The following AGAP1 variants were observed in gnomAD, a reference collection of about 807,000 sequenced individuals.
AGAP1 encodes ArfGAP with GTPase domain, ankyrin repeat and PH domain 1.
A neutral mutation model predicts 105.3 loss-of-function variants in AGAP1; 29 were observed. That is an observed-to-expected ratio of 0.28 (90% CI 0.21 to 0.38). The LOEUF (loss-of-function observed/expected upper bound fraction) is 0.38. AGAP1 is among the 10% of genes least tolerant of loss of function. AGAP1 has a pLI of 1.00. For synonymous variants in AGAP1, 509 were observed against 485.9 expected, an observed-to-expected ratio of 1.05 and a Z score of -0.63; for missense variants, 998 against 1,165.1, an observed-to-expected ratio of 0.86 and a Z score of 2.09.
intron 10 of AGAP1, among the ~76,000 whole-genome samples, chr2:235,885,326 G>A (rs79452822): frequency 0.029 from 4,448 of 152,296 alleles, 194 homozygotes; most frequent in African/African-American, 0.1. Flanking sequence ...CTGTGTGGAT[G>A]TGCCTTCATT....
At position 235,971,908 on chromosome 2, in the gene AGAP1, A is replaced by T. The variant is rs1027900325; in HGVS notation, c.1645+3285A>T. The stretch of plus-strand genomic sequence containing the variant: ...ATCTTCCCACCTCAGCCTCCCAAGT[A>T]GCTGGGACCACAGGCAGGCACCACG... On this transcript the variant is annotated intron_variant, in intron 13 of 17. Transcript: ENST00000304032. This position sits in a 1 kb window ranked among gnomAD's most constrained non-coding sequence, Gnocchi z 4.8. 6.6e-5 allele frequency among the ~76,000 whole-genome samples: 10 copies of T among 151,332 alleles called. No homozygotes were observed. The highest frequency in any genetic ancestry group is 1.2e-4 in the Non-Finnish European group (8 of 67,810).
rs2054255476 is a variant in AGAP1, at chr2:235,963,061, T to C, written c.1484-5401T>C. On this transcript the variant is annotated intron_variant, in intron 12 of 17. Transcript: ENST00000304032. The surrounding 1 kb of genome is among the most constrained non-coding windows in gnomAD (Gnocchi z 5.1). ...TGGATGTGGAGGAAATGCTGATGGG[T>C]TGGCTGTGGTGGTCTCTTAGAGGAA... is the stretch of plus-strand genomic sequence containing the variant. Among the ~76,000 whole-genome samples the C allele has an allele frequency of 6.6e-6, 1 of 152,124 alleles. No homozygotes were observed. Among genetic ancestry groups the C allele is most frequent in the Non-Finnish European group, 1.5e-5 (1 of 68,028 alleles).
intron 1 of AGAP1, among the ~76,000 whole-genome samples, chr2:235,560,844 A>T (rs1944126111): frequency 6.6e-6 from 1 of 151,982 alleles, no homozygotes; most frequent in Non-Finnish European, 1.5e-5. Context: ...AGATGAGTGC[A>T]CCTCCCCTTT....
intron 13 of AGAP1, among the ~76,000 whole-genome samples, chr2:235,972,975 G>C (rs187246398): frequency 6.6e-6 from 1 of 152,104 alleles, no homozygotes; most frequent in Non-Finnish European, 1.5e-5. Flanking sequence ...AGGACCCTGC[G>C]AGAAGGTCTT....
intron 9 of AGAP1, among the ~76,000 whole-genome samples, chr2:235,823,761 CTGT>C (rs1030311665): frequency 1.3e-5 from 2 of 152,104 alleles, no homozygotes; most frequent in African/African-American, 4.8e-5. Context: ...GCTGTTTTAT[CTGT>C]TTTTTTAAAT....
chr2:235,847,509 T>G (rs1961639791), intron 9 of AGAP1, among the ~76,000 whole-genome samples: 1 of 152,238 alleles, frequency 6.6e-6, no homozygotes, highest in Non-Finnish European at 1.5e-5. Context: ...ATTACATCTT[T>G]GAAAAGATAT....
chr2:236,099,306 T>A (rs1204719280), intron 16 of AGAP1, among the ~76,000 whole-genome samples: 1 of 151,808 alleles, frequency 6.6e-6, no homozygotes, highest in East Asian at 2.0e-4. Flanking sequence ...TACAAAAAAA[T>A]TAGCTGGGCG....
chr2:235,595,278 G>GGAGCT (rs1045189805), intron 1 of AGAP1, among the ~76,000 whole-genome samples: 35 of 152,266 alleles, frequency 2.3e-4, no homozygotes, highest in African/African-American at 8.2e-4. Context: ...ACCAGTATTG[G>GGAGCT]GAGCTGACTC....
At chr2:235,987,056 C>T (rs1410150542) in intron 13 of AGAP1, among the ~76,000 whole-genome samples, 1 of 152,062 alleles carries the variant, frequency 6.6e-6, no homozygotes, top group Non-Finnish European at 1.5e-5. Flanking sequence ...GATACCAGCC[C>T]TTTGTATTTC....
chr2:235,751,414 G>A lies in AGAP1; in HGVS notation c.673+926G>A, dbSNP rs981952178. Among the ~76,000 whole-genome samples, 6 of 152,010 alleles carry A rather than the reference G, an allele frequency of 3.9e-5. No homozygotes were observed. Among genetic ancestry groups the A allele is most frequent in the African/African-American group, 9.7e-5 (4 of 41,388 alleles). ...CTGCTCTGGTGCCCAGGGGGTTGTC[G>A]GGGGCAGAGCAGGGCAGCCACACTC... is the stretch of plus-strand genomic sequence containing the variant. On this transcript the variant is annotated intron_variant, in intron 6 of 17. Transcript: ENST00000304032. The surrounding 1 kb of genome is among the most constrained non-coding windows in gnomAD (Gnocchi z 5.3).
rs1018684092 is a variant in AGAP1, at chr2:235,614,290, G to A, written c.164-94889G>A. ...TTAAAGCGGGGAGGTGGCTGGTGCT[G>A]GAGCGTGTATAACAAAAGTGGGATC... is the stretch of plus-strand genomic sequence containing the variant. On this transcript the variant is annotated intron_variant, in intron 1 of 17. Coordinates refer to ENST00000304032, the MANE Select transcript of AGAP1 (RefSeq NM_001037131.3). The surrounding 1 kb of genome is among the most constrained non-coding windows in gnomAD (Gnocchi z 4.7). 6.6e-6 allele frequency among the ~76,000 whole-genome samples: 1 copy of A among 152,090 alleles called. No homozygotes were observed. The highest frequency in any genetic ancestry group is 1.5e-5 in the Non-Finnish European group (1 of 68,026).
chr2:236,124,142 G>A lies in AGAP1; in HGVS notation c.*20G>A. 1 of 1,610,158 alleles carries A rather than the reference G, an allele frequency of 6.2e-7. No homozygotes were observed. Among genetic ancestry groups the A allele is most frequent in the Non-Finnish European group, 8.5e-7 (1 of 1,177,018 alleles). On this transcript the variant is annotated 3_prime_UTR_variant, in exon 18 of 18. Transcript: ENST00000304032. This position sits in a 1 kb window ranked among gnomAD's most constrained non-coding sequence, Gnocchi z 5.1. The stretch of plus-strand genomic sequence containing the variant: ...ATCTGAGGAACAGCCGTGCCCGCCT[G>A]CTCGCCGCACCTGGGACGCGGCAGC...
chr2:236,066,004 A>G (rs936831714), intron 16 of AGAP1, among the ~76,000 whole-genome samples: 2 of 152,164 alleles, frequency 1.3e-5, no homozygotes, highest in African/African-American at 4.8e-5. Context: ...CATCAGAGTC[A>G]CTACTCGTGG....
rs755287688 is a variant in AGAP1 at position 235,614,371 on chromosome 2, G to A, written c.164-94808G>A. 6.6e-6 allele frequency among the ~76,000 whole-genome samples: 1 copy of A among 152,168 alleles called. No homozygotes were observed. Among genetic ancestry groups the A allele is most frequent in the African/African-American group, 2.4e-5 (1 of 41,438 alleles). ...CTAGGGAGCCGCTGCTCTTGCTTCAGGTCTCAGATGGCATAGGAGTGTGTG... is the reference window on the plus strand; with the variant it reads ...CTAGGGAGCCGCTGCTCTTGCTTCAAGTCTCAGATGGCATAGGAGTGTGTG... On this transcript the variant is annotated intron_variant, in intron 1 of 17. Transcript: ENST00000304032. The surrounding 1 kb of genome is among the most constrained non-coding windows in gnomAD (Gnocchi z 4.7).
chr2:236,089,558 A>G lies in AGAP1; in HGVS notation c.2115-30634A>G, dbSNP rs6720685. On this transcript the variant is annotated intron_variant, in intron 16 of 17. Coordinates refer to ENST00000304032, the MANE Select transcript of AGAP1 (RefSeq NM_001037131.3). The surrounding 1 kb of genome is among the most constrained non-coding windows in gnomAD (Gnocchi z 5.6). Reference sequence around the variant, plus strand: ...AAGTCTGGAACGAATCTGGTTCCATATAGAGTTCATGCTCACCCCGAAGTC... The same window carrying G: ...AAGTCTGGAACGAATCTGGTTCCATGTAGAGTTCATGCTCACCCCGAAGTC... Among the ~76,000 whole-genome samples the G allele has an allele frequency of 0.016, 2,498 of 152,346 alleles. 69 individuals are homozygous for G. The highest frequency in any genetic ancestry group is 0.057 in the African/African-American group (2,387 of 41,574).
intron 1 of AGAP1, among the ~76,000 whole-genome samples, chr2:235,587,862 G>C (rs1278780532): frequency 1.3e-5 from 2 of 152,132 alleles, no homozygotes; most frequent in East Asian, 3.9e-4. Context: ...TCCAGGTCCT[G>C]CTGCTCCTTC....
At chr2:235,896,961 G>A (rs1036373405) in intron 10 of AGAP1, among the ~76,000 whole-genome samples, 4 of 152,174 alleles carry the variant, frequency 2.6e-5, no homozygotes, top group African/African-American at 7.2e-5. Context: ...TAAAAGGGCC[G>A]AAAGCTATCC....
chr2:236,007,379 G>A (rs528893204), intron 13 of AGAP1, among the ~76,000 whole-genome samples: 4 of 152,142 alleles, frequency 2.6e-5, no homozygotes, highest in Non-Finnish European at 5.9e-5. Flanking sequence ...CATTTCACCC[G>A]CTGTAGTTGT....
rs1464332408 is a variant in AGAP1, at chr2:235,967,575, A to G, written c.1484-887A>G. Among the ~76,000 whole-genome samples, 1 of 152,200 alleles carries G rather than the reference A, an allele frequency of 6.6e-6. No individual in the cohort carries two copies. The highest frequency in any genetic ancestry group is 1.5e-5 in the Non-Finnish European group (1 of 68,036). On this transcript the variant is annotated intron_variant, in intron 12 of 17. Coordinates refer to ENST00000304032, the MANE Select transcript of AGAP1 (RefSeq NM_001037131.3). The surrounding 1 kb of genome is among the most constrained non-coding windows in gnomAD (Gnocchi z 4.7). ...TCAGTGCTCAAAAAATACCAGCTGA[A>G]TGAGTGCGGTGTGCTGTACAGAACT... is the stretch of plus-strand genomic sequence containing the variant.
Sources: allele counts gnomAD v4.1 joint callset (sites outside exome capture counted in the v4.1 genomes callset), GRCh38; gene constraint gnomAD v4.1.1; non-coding constraint Gnocchi (gnomAD v3.1); transcripts MANE v1.5; gene names NCBI Gene and HGNC (gene_info 2026-07-23, HGNC 2026-07-21).